The following NOX4 variants were observed in gnomAD, a reference collection of about 807,000 sequenced individuals.
NOX4 encodes NADPH oxidase 4, also known as kidney oxidase-1.
In NOX4, 69 loss-of-function variants were observed where a neutral mutation model predicts 87.6. The ratio of observed to expected loss-of-function variants is 0.79; its 90% CI spans 0.65 to 0.96. The LOEUF is 0.96. NOX4 is among the 40% of genes least tolerant of loss of function. The pLI is 0.00. For missense variants in NOX4, 680 were observed against 681.5 expected, an observed-to-expected ratio of 1.00 and a Z score of 0.02; for synonymous variants, 275 against 238.2, an observed-to-expected ratio of 1.15 and a Z score of -1.42.
the NOX4 span, among the ~76,000 whole-genome samples, chr11:89,510,992 C>T: frequency 5.3e-5 from 8 of 151,990 alleles, no homozygotes; most frequent in Non-Finnish European, 1.0e-4. Flanking sequence ...CCCAGATAAA[C>T]ATTTTCTGAA....
At chr11:89,440,330 A>AT (rs1256090021) in intron 6 of NOX4, among the ~76,000 whole-genome samples, 1 of 151,658 alleles carries the variant, frequency 6.6e-6, no homozygotes, top group African/African-American at 2.4e-5. Context: ...TTTTATTTTT[A>AT]TTTTTTAGAC....
chr11:89,427,012 T>C (rs1262535815), intron 7 of NOX4, among the ~76,000 whole-genome samples: 1 of 152,124 alleles, frequency 6.6e-6, no homozygotes, highest in East Asian at 1.9e-4. Context: ...CGAGTACCCC[T>C]CTGAGACAAA....
chr11:89,386,966 C>T (rs548594221), intron 11 of NOX4, among the ~76,000 whole-genome samples: 21 of 152,138 alleles, frequency 1.4e-4, no homozygotes, highest in East Asian at 5.8e-4. Flanking sequence ...TCATTTTATA[C>T]GACAAATGTT....
At chr11:89,575,178 C>T in the NOX4 span, among the ~76,000 whole-genome samples, 6 of 148,710 alleles carry the variant, frequency 4.0e-5, no homozygotes, top group Non-Finnish European at 9.0e-5. Flanking sequence ...AGCAGAACTC[C>T]ATCTAAAAAA....
chr11:89,498,251 C>G (rs1336719328), upstream of NOX4: 1 of 152,090 alleles, frequency 6.6e-6, no homozygotes, highest in Non-Finnish European at 1.5e-5. Context: ...ATAGGCACAG[C>G]ACAGAAGATA....
At position 89,383,070 on chromosome 11, in the gene NOX4, C is replaced by A. The variant is rs192430058; in HGVS notation, c.1075-9578G>T. Among the ~76,000 whole-genome samples the A allele has an allele frequency of 2.2e-4, 34 of 152,194 alleles. 1 individual carries two copies. Among genetic ancestry groups the A allele is most frequent in the African/African-American group, 8.2e-4 (34 of 41,516 alleles). On this transcript the variant is annotated intron_variant, in intron 11 of 17. Transcript: ENST00000263317. ...AAAGCTTCAAAAATTAGAATCGGGC[C>A]CTGAAACCCCACAACAGGAATTAAT... is the stretch of plus-strand genomic sequence containing the variant.
At chr11:89,422,765 AC>A (rs1943148334) in intron 7 of NOX4, among the ~76,000 whole-genome samples, 1 of 150,804 alleles carries the variant, frequency 6.6e-6, no homozygotes, top group African/African-American at 2.4e-5. Context: ...CAGTATCATT[AC>A]CATCCCTTGT....
At chr11:89,505,161 A>G in the NOX4 span, among the ~76,000 whole-genome samples, 13 of 151,976 alleles carry the variant, frequency 8.6e-5, no homozygotes, top group Non-Finnish European at 1.6e-4. Flanking sequence ...AGGTCCCCTC[A>G]TTATAAACTC....
chr11:89,387,636 A>G (rs1940810522), intron 11 of NOX4, among the ~76,000 whole-genome samples: 1 of 152,206 alleles, frequency 6.6e-6, no homozygotes, highest in Non-Finnish European at 1.5e-5. Context: ...CTTCTATTTA[A>G]AAGGCAGATT....
intron 5 of NOX4, among the ~76,000 whole-genome samples, chr11:89,442,934 T>G (rs763199840): frequency 6.6e-6 from 1 of 152,048 alleles, no homozygotes; most frequent in Non-Finnish European, 1.5e-5. Flanking sequence ...AGCTAGTGAT[T>G]TGAGCAGAGG....
At chr11:89,540,684 A>G in the NOX4 span, among the ~76,000 whole-genome samples, 1 of 150,926 alleles carries the variant, frequency 6.6e-6, no homozygotes. Flanking sequence ...GCTACTCGGG[A>G]GGCTGAGGCA....
chr11:89,570,881 G>C, the NOX4 span, among the ~76,000 whole-genome samples: 1 of 152,160 alleles, frequency 6.6e-6, no homozygotes, highest in African/African-American at 2.4e-5. Flanking sequence ...ACTTTATCTT[G>C]TCAACATGCC....
At chr11:89,401,417 G>T (rs942167391) in intron 9 of NOX4, among the ~76,000 whole-genome samples, 4 of 151,974 alleles carry the variant, frequency 2.6e-5, no homozygotes, top group African/African-American at 9.7e-5. Context: ...GGCTAATAGG[G>T]ATCTAGAGGA....
intron 8 of NOX4, among the ~76,000 whole-genome samples, chr11:89,418,412 T>G (rs1942902610): frequency 7.3e-6 from 1 of 136,534 alleles, no homozygotes; most frequent in East Asian, 2.1e-4. Flanking sequence ...TTCTCTCAGC[T>G]GAACATTGAG....
chr11:89,540,330 C>T, the NOX4 span, among the ~76,000 whole-genome samples: 1 of 152,076 alleles, frequency 6.6e-6, no homozygotes, highest in Non-Finnish European at 1.5e-5. Context: ...TTCTTTCATC[C>T]TCCGAGTCAT....
chr11:89,449,576 A>C (rs931551210), intron 3 of NOX4, 52 bp from the exon 4 acceptor site: 2 of 1,420,052 alleles, frequency 1.4e-6, no homozygotes, highest in Non-Finnish European at 2.0e-6. Flanking sequence ...ATGTGATAAA[A>C]GTTTTTCAGT....
chr11:89,348,718 T>C lies in NOX4; in HGVS notation c.1217+6244A>G, dbSNP rs567781805. Among the ~76,000 whole-genome samples the C allele has an allele frequency of 2.0e-5, 3 of 152,068 alleles. No individual in the cohort carries two copies. In the East Asian group the frequency reaches 5.8e-4, roughly 30 times the overall value. On this transcript the variant is annotated intron_variant, in intron 13 of 17. Transcript: ENST00000263317. ...TGCATGCACACACGTGCTCCACACA[T>C]ACACAGTTTTCAGCCACCTGGGAGT... is the stretch of plus-strand genomic sequence containing the variant.
the NOX4 span, among the ~76,000 whole-genome samples, chr11:89,544,969 G>A: frequency 6.6e-6 from 1 of 152,044 alleles, no homozygotes; most frequent in Non-Finnish European, 1.5e-5. Context: ...CCATAACCAA[G>A]TCCAGATGCT....
chr11:89,589,478 A>G, the NOX4 span: 1 of 152,230 alleles, frequency 6.6e-6, no homozygotes, highest in Non-Finnish European at 1.5e-5. Context: ...CGAATCCAGC[A>G]GGCATGCTGT....
Sources: allele counts gnomAD v4.1 joint callset (sites outside exome capture counted in the v4.1 genomes callset), GRCh38; gene constraint gnomAD v4.1.1; transcripts MANE v1.5; gene names NCBI Gene and HGNC (gene_info 2026-07-23, HGNC 2026-07-21).